Variants in LUC7L2 observed in about 807,000 individuals in gnomAD.
The protein encoded by LUC7L2 is LUC7 like 2, pre-mRNA splicing factor, also known as putative RNA-binding protein Luc7-like 2.
A neutral mutation model predicts 52.8 loss-of-function variants in LUC7L2; 25 were observed. That is an observed-to-expected ratio of 0.47 (90% CI 0.34 to 0.66). The LOEUF is 0.66. Ranked by LOEUF, LUC7L2 falls within the 30% of genes least tolerant of loss-of-function variation. The pLI, the probability that LUC7L2 is intolerant of heterozygous loss-of-function variation, is 0.01. For missense variants in LUC7L2, 328 were observed against 497.8 expected (o/e 0.66, Z 3.25); for synonymous variants, 144 against 160.9 (o/e 0.89, Z 0.80).
Position 139,346,643 on chromosome 7 carries a change from G to A in LUC7L2, c.-26+6126G>A, listed in dbSNP as rs958977489. Among the ~76,000 whole-genome samples the A allele has an allele frequency of 3.9e-5, 6 of 152,090 alleles. No homozygotes were observed. The South Asian group carries it at 8.4e-4, about 21-fold the overall frequency. Reference sequence around the variant, plus strand: ...CAGCCCCTGAACCAGAATAGGTTACGAGAGACTCTCTACTAGAGAGTTCTA... The same window carrying A: ...CAGCCCCTGAACCAGAATAGGTTACAAGAGACTCTCTACTAGAGAGTTCTA... On this transcript the variant is annotated intron_variant, in intron 1 of 10. Transcript: ENST00000541170.
At chr7:139,398,552 T>A (rs749300728) in intron 2 of LUC7L2, 47 bp from the exon 3 acceptor site, 2 of 1,522,002 alleles carry the variant, frequency 1.3e-6, no homozygotes, top group Admixed American at 2.2e-5. Flanking sequence ...AAGCATTTTT[T>A]AAAAAACTTT....
At chr7:139,341,937 G>A (rs1799002886) in intron 1 of LUC7L2, among the ~76,000 whole-genome samples, 1 of 152,192 alleles carries the variant, frequency 6.6e-6, no homozygotes, top group South Asian at 2.1e-4. Flanking sequence ...TTCCTCACCC[G>A]TCCCCTAGAA....
chr7:139,353,823 A>C (rs1295801097), intron 1 of LUC7L2, among the ~76,000 whole-genome samples: 1 of 151,716 alleles, frequency 6.6e-6, no homozygotes, highest in Non-Finnish European at 1.5e-5. Flanking sequence ...AGAAACAAAA[A>C]AAAATTGAAG....
At chr7:139,383,605 G>A (rs1193417370) in intron 2 of LUC7L2, among the ~76,000 whole-genome samples, 1 of 146,614 alleles carries the variant, frequency 6.8e-6, no homozygotes, top group Non-Finnish European at 1.5e-5. Context: ...TAGTAGAAAC[G>A]GGGTTTCACC....
At chr7:139,406,050 T>G (rs999548362) in intron 5 of LUC7L2, among the ~76,000 whole-genome samples, 15 of 152,244 alleles carry the variant, frequency 9.9e-5, no homozygotes, top group East Asian at 1.9e-4. Flanking sequence ...AAGTCCAGCC[T>G]TCTTCTTTTT....
chr7:139,415,745 C>G (rs1795567950), intron 8 of LUC7L2, among the ~76,000 whole-genome samples: 1 of 151,760 alleles, frequency 6.6e-6, no homozygotes, highest in Non-Finnish European at 1.5e-5. Context: ...TTAAGCAGTC[C>G]TCCCATTGTG....
chr7:139,399,410 C>A (rs1461272553), intron 3 of LUC7L2, among the ~76,000 whole-genome samples: 5 of 149,222 alleles, frequency 3.4e-5, no homozygotes, highest in African/African-American at 4.9e-5. Flanking sequence ...AACCAATCTC[C>A]CACAGATACT....
chr7:139,417,419 T>A (rs1795670654), intron 8 of LUC7L2, 119 bp from the exon 9 acceptor site: 2 of 1,271,786 alleles, frequency 1.6e-6, no homozygotes, highest in Admixed American at 2.6e-5. Flanking sequence ...TTTAGCTGAC[T>A]TGGAATATAA....
intron 2 of LUC7L2, among the ~76,000 whole-genome samples, chr7:139,378,883 A>T (rs970922379): frequency 2.0e-5 from 3 of 152,222 alleles, no homozygotes; most frequent in Non-Finnish European, 4.4e-5. Flanking sequence ...AAGGTTCACA[A>T]CTCAAGTAAT....
At chr7:139,408,744 A>G (rs1275772357) in intron 6 of LUC7L2, among the ~76,000 whole-genome samples, 1 of 151,556 alleles carries the variant, frequency 6.6e-6, no homozygotes, top group Non-Finnish European at 1.5e-5. Context: ...CTGGAGACTG[A>G]GGCAGGAGAA....
intron 9 of LUC7L2, among the ~76,000 whole-genome samples, chr7:139,419,762 A>G (rs2116347221): frequency 6.6e-6 from 1 of 152,346 alleles, no homozygotes. Context: ...ACATGATCAT[A>G]TCTAAGATGT....
chr7:139,352,299 G>C (rs983520447), intron 1 of LUC7L2, among the ~76,000 whole-genome samples: 6 of 152,096 alleles, frequency 3.9e-5, no homozygotes, highest in Admixed American at 6.6e-5. Context: ...TGACCAGCCT[G>C]GGCAACATAA....
chr7:139,342,620 G>A (rs1306629758), intron 1 of LUC7L2, among the ~76,000 whole-genome samples: 2 of 152,070 alleles, frequency 1.3e-5, no homozygotes, highest in African/African-American at 4.8e-5. Context: ...GCGACACCAC[G>A]CCCGGCTAAT....
At chr7:139,362,583 G>A (rs1488070999) in intron 1 of LUC7L2, among the ~76,000 whole-genome samples, 2 of 151,430 alleles carry the variant, frequency 1.3e-5, no homozygotes, top group East Asian at 1.9e-4. Flanking sequence ...GGAGAGAGAT[G>A]GAAAAGGTAG....
At chr7:139,411,590 C>T (rs1795361753) in intron 7 of LUC7L2, among the ~76,000 whole-genome samples, 2 of 152,058 alleles carry the variant, frequency 1.3e-5, no homozygotes, top group African/African-American at 4.8e-5. Flanking sequence ...TGGCTGATCT[C>T]AAAGTCATGC....
At chr7:139,414,134 C>T (rs1394338916) in intron 8 of LUC7L2, among the ~76,000 whole-genome samples, 1 of 152,124 alleles carries the variant, frequency 6.6e-6, no homozygotes, top group Non-Finnish European at 1.5e-5. Context: ...TGCTTGCCCA[C>T]CCCCCTTCTT....
intron 4 of LUC7L2, 72 bp downstream of exon 4, chr7:139,402,319 ATAAT>A (rs1214975787): frequency 1.4e-6 from 2 of 1,396,366 alleles, no homozygotes; most frequent in Non-Finnish European, 1.9e-6. Context: ...TTATTTTGAA[ATAAT>A]TAGATTTGCA....
intron 1 of LUC7L2, among the ~76,000 whole-genome samples, chr7:139,373,492 G>A (rs1014791322): frequency 3.3e-5 from 5 of 152,196 alleles, no homozygotes; most frequent in South Asian, 4.2e-4. Flanking sequence ...ATTCATTTGC[G>A]GTGAGGAGTT....
chr7:139,422,317 G>A lies in LUC7L2; in HGVS notation c.1156G>A (p.Glu386Lys), dbSNP rs776207504. 6.2e-7 allele frequency: 1 copy of A among 1,613,194 alleles called. No individual in the cohort carries two copies. Among genetic ancestry groups the A allele is most frequent in the South Asian group, 1.1e-5 (1 of 90,918 alleles). Reference protein sequence around the residue: ...GRSEDRRSSEEREAGEI With the variant: ...GRSEDRRSSEKREAGEI ...ATCAGAAGACAGGAGGAGCTCTGAA[G>A]AGCGCGAAGCAGGGGAGATCTAACT... is the stretch of plus-strand genomic sequence containing the variant. Residue 386 changes from glutamate to lysine, a missense_variant, in exon 10 of 10, where the codon GAG becomes AAG. Glu to Lys is a moderately conservative substitution (Grantham distance 56, BLOSUM62 1). This residue lies in a region of LUC7L2 where 195 missense variants were observed against 223.3 expected (regional missense o/e 0.87). Coordinates refer to ENST00000354926, the MANE Select transcript of LUC7L2 (RefSeq NM_016019.5).
Sources: gnomAD v4.1 joint callset for allele counts (sites outside exome capture counted in the v4.1 genomes callset) on GRCh38, gnomAD v4.1.1 for gene constraint, gnomAD v4.1.1 regional missense constraint, MANE v1.5 for transcripts, NCBI Gene and HGNC (gene_info 2026-07-23, HGNC 2026-07-21) for gene names.